The following WDR27 variants were observed in gnomAD, a reference collection of about 807,000 sequenced individuals.
WDR27 encodes the protein WD repeat-containing protein 27.
In WDR27, 100 loss-of-function variants were observed where a neutral mutation model predicts 114.4. The observed-to-expected ratio is 0.87, with a 90% CI of 0.74 to 1.03. WDR27 has a LOEUF of 1.03. WDR27 is among the 50% of genes least tolerant of loss of function. WDR27 has a pLI of 0.00. For missense variants in WDR27, 1,129 were observed against 1,092.9 expected (o/e 1.03, Z -0.47); for synonymous variants, 449 against 423.1 (o/e 1.06, Z -0.75).
intron 25 of WDR27, among the ~76,000 whole-genome samples, chr6:169,463,852 G>C (rs565036314): frequency 6.6e-6 from 1 of 152,050 alleles, no homozygotes; most frequent in Admixed American, 6.5e-5. Context: ...AAATTAAATT[G>C]TACAATGAAA....
rs1783742706 is a variant in WDR27 at position 169,688,862 on chromosome 6, A to C, written c.144T>G (p.Asp48Glu). The C allele has an allele frequency of 6.2e-7, 1 of 1,613,286 alleles. No homozygotes were observed. The highest frequency in any genetic ancestry group is 1.3e-5 in the African/African-American group (1 of 74,916). Reference sequence around the variant, plus strand: ...TGTTCCATATACAAAGTTCAGTTCCATCCAAAGGGAAAGCACAGTCCTGCA... The same window carrying C: ...TGTTCCATATACAAAGTTCAGTTCCCTCCAAAGGGAAAGCACAGTCCTGCA... ...CSMQDCAFPLDGTELCIWNTK... is the reference protein window; with the variant it reads ...CSMQDCAFPLEGTELCIWNTK... Residue 48 changes from aspartate to glutamate, a missense_variant, in exon 2 of 26, where the codon GAT becomes GAG. By Grantham distance (45) the Asp-to-Glu change is conservative (BLOSUM62 2). Transcript: ENST00000448612.
At chr6:169,690,618 A>T (rs1784236518) in intron 1 of WDR27, among the ~76,000 whole-genome samples, 1 of 152,178 alleles carries the variant, frequency 6.6e-6, no homozygotes, top group Admixed American at 6.5e-5. Flanking sequence ...AGGCAGCAGG[A>T]CATGGATCCA....
At chr6:169,563,387 C>T (rs924415428) in intron 25 of WDR27, among the ~76,000 whole-genome samples, 2 of 152,172 alleles carry the variant, frequency 1.3e-5, no homozygotes, top group Admixed American at 6.5e-5. Flanking sequence ...TCTACCAAGC[C>T]AGACCCTGAA....
intron 21 of WDR27, among the ~76,000 whole-genome samples, chr6:169,625,848 T>C (rs879447525): frequency 1.3e-5 from 2 of 152,094 alleles, no homozygotes; most frequent in African/African-American, 2.4e-5. Context: ...TCTCAGCAGA[T>C]AGAGCATGTG....
chr6:169,623,878 C>G (rs1813976118), intron 21 of WDR27, among the ~76,000 whole-genome samples: 1 of 152,148 alleles, frequency 6.6e-6, no homozygotes, highest in Admixed American at 6.5e-5. Flanking sequence ...GGGCACACTT[C>G]TCTAGGTCCT....
chr6:169,447,097 A>T, the WDR27 span, among the ~76,000 whole-genome samples: 1 of 152,240 alleles, frequency 6.6e-6, no homozygotes, highest in South Asian at 2.1e-4. Flanking sequence ...TTTCAAAGTC[A>T]CAATAAAATT....
At chr6:169,539,362 T>C (rs1228769337) in intron 25 of WDR27, among the ~76,000 whole-genome samples, 2 of 152,148 alleles carry the variant, frequency 1.3e-5, no homozygotes, top group Non-Finnish European at 2.9e-5. Context: ...CCAGCCAAAA[T>C]ATTCCATTTC....
chr6:169,487,858 T>A (rs1789147360), intron 25 of WDR27, among the ~76,000 whole-genome samples: 1 of 152,180 alleles, frequency 6.6e-6, no homozygotes, highest in Non-Finnish European at 1.5e-5. Flanking sequence ...TAAGGACAGT[T>A]GATGAAAAAT....
intron 25 of WDR27, among the ~76,000 whole-genome samples, chr6:169,544,607 G>A (rs891689198): frequency 6.6e-6 from 1 of 151,948 alleles, no homozygotes; most frequent in Non-Finnish European, 1.5e-5. Flanking sequence ...GCTAATTTTT[G>A]TATTTTTATT....
At chr6:169,444,487 G>C in the WDR27 span, among the ~76,000 whole-genome samples, 173 of 152,256 alleles carry the variant, frequency 1.1e-3, no homozygotes, top group Middle Eastern at 0.02. Context: ...GCATTTCTGA[G>C]AGTCCCTGCT....
At chr6:169,645,172 G>C (rs956984506) in intron 16 of WDR27, among the ~76,000 whole-genome samples, 1 of 150,720 alleles carries the variant, frequency 6.6e-6, no homozygotes, top group African/African-American at 2.4e-5. Flanking sequence ...ATTCGTAGGA[G>C]TCACACTGTA....
intron 13 of WDR27, among the ~76,000 whole-genome samples, chr6:169,656,844 C>T (rs1824347743): frequency 6.6e-6 from 1 of 151,982 alleles, no homozygotes; most frequent in Non-Finnish European, 1.5e-5. Context: ...GAATAATTAG[C>T]ACCTCCTTAC....
intron 25 of WDR27, among the ~76,000 whole-genome samples, chr6:169,467,607 T>C (rs948129799): frequency 1.3e-5 from 2 of 152,168 alleles, no homozygotes; most frequent in African/African-American, 2.4e-5. Context: ...ACGGCTGTGA[T>C]GCAGGGCACC....
At chr6:169,589,323 C>T (rs1474733265) in intron 23 of WDR27, among the ~76,000 whole-genome samples, 1 of 152,158 alleles carries the variant, frequency 6.6e-6, no homozygotes, top group Non-Finnish European at 1.5e-5. Context: ...TAAATTTTCT[C>T]GTGTAACCCT....
At chr6:169,657,424 C>G (rs1824535443) in intron 13 of WDR27, among the ~76,000 whole-genome samples, 1 of 152,196 alleles carries the variant, frequency 6.6e-6, no homozygotes, top group Non-Finnish European at 1.5e-5. Context: ...CGAGCCCGGC[C>G]CGGGGAGAGG....
the WDR27 span, among the ~76,000 whole-genome samples, chr6:169,436,899 C>T: frequency 6.6e-6 from 1 of 151,972 alleles, no homozygotes; most frequent in Admixed American, 6.6e-5. Context: ...TTATAAAATA[C>T]ATATTGGTCC....
rs888202076 is a variant in WDR27 at position 169,647,526 on chromosome 6, G to A, written c.1657+247C>T. 4.1e-5 allele frequency: 24 copies of A among 586,230 alleles called. No individual in the cohort carries two copies. In the East Asian group the frequency reaches 4.6e-4, roughly 11 times the overall value. 36.3% of individuals were successfully genotyped at this position (586,230 alleles called of 1,614,324 possible). On this transcript the variant is annotated intron_variant, in intron 16 of 25. Coordinates refer to ENST00000448612, the MANE Select transcript of WDR27 (RefSeq NM_182552.5). ...CTGGACACAGAACAGCAAATTCGCT[G>A]CTAGTGAGTGAGTGCCAGTGTCTGT...
chr6:169,556,706 C>T (rs980415943), intron 25 of WDR27, among the ~76,000 whole-genome samples: 88 of 152,140 alleles, frequency 5.8e-4, no homozygotes, highest in African/African-American at 2.0e-3. Context: ...GGAAATACTG[C>T]AATACCTGTC....
intron 23 of WDR27, among the ~76,000 whole-genome samples, chr6:169,597,324 G>A (rs1404351165): frequency 6.6e-6 from 1 of 151,134 alleles, no homozygotes; most frequent in Non-Finnish European, 1.5e-5. Flanking sequence ...CCATAGTATT[G>A]TTTCTATTAT....
Sources: gnomAD v4.1 joint callset for allele counts (sites outside exome capture counted in the v4.1 genomes callset) on GRCh38, gnomAD v4.1.1 for gene constraint, MANE v1.5 for transcripts, NCBI Gene and HGNC (gene_info 2026-07-23, HGNC 2026-07-21) for gene names.